TPCN1: variants seen among roughly 807,000 people sequenced by gnomAD.
TPCN1 encodes the protein two pore channel protein 1.
TPCN1 carries 52 observed loss-of-function variants against 108.8 expected under a neutral mutation model. The observed-to-expected ratio is 0.48, with a 90% confidence interval of 0.38 to 0.60. The LOEUF (loss-of-function observed/expected upper bound fraction) is 0.60. TPCN1 is among the 20% of genes least tolerant of loss of function. The probability of loss-of-function intolerance (pLI) is 0.00; values close to 1 mark genes in which losing one functional copy is unlikely to be tolerated. For missense variants in TPCN1, 806 were observed against 1,072.8 expected, an observed-to-expected ratio of 0.75 and a Z score of 3.47; for synonymous variants, 446 against 433.7, an observed-to-expected ratio of 1.03 and a Z score of -0.35.
At chr12:113,271,723 G>C (rs1447363376) in intron 7 of TPCN1, among the ~76,000 whole-genome samples, 1 of 152,236 alleles carries the variant, frequency 6.6e-6, no homozygotes, top group African/African-American at 2.4e-5. Context: ...GAACACTCCT[G>C]TGTGTTTCCC....
chr12:113,270,488 T>G (rs1172910121), intron 7 of TPCN1, among the ~76,000 whole-genome samples: 3 of 151,294 alleles, frequency 2.0e-5, no homozygotes, highest in African/African-American at 4.8e-5. Context: ...TTGTTTTGTT[T>G]TTTTTTTTTT....
intron 15 of TPCN1, among the ~76,000 whole-genome samples, chr12:113,280,642 T>A (rs1191840355): frequency 1.3e-5 from 2 of 152,256 alleles, no homozygotes; most frequent in African/African-American, 4.8e-5. Flanking sequence ...ACATTTAAGC[T>A]AATTAAAATG....
At chr12:113,235,659 C>T (rs1054242732) in intron 2 of TPCN1, among the ~76,000 whole-genome samples, 8 of 152,188 alleles carry the variant, frequency 5.3e-5, no homozygotes, top group Admixed American at 3.3e-4. Context: ...AGAAGAAGTG[C>T]GTCAAGTATA....
At chr12:113,224,436 G>A (rs773208906) in intron 1 of TPCN1, among the ~76,000 whole-genome samples, 19 of 152,138 alleles carry the variant, frequency 1.2e-4, no homozygotes, top group Admixed American at 9.8e-4. Flanking sequence ...TCGCTCTGTC[G>A]CCCAGGCTGG....
In TPCN1 at chr12:113,291,681, G is replaced by A. The variant is rs1956273464; in HGVS notation, c.2028+4G>A. 6.2e-7 allele frequency: 1 copy of A among 1,613,468 alleles called. No individual in the cohort carries two copies. On this transcript the variant is annotated splice_donor_region_variant and intron_variant, in intron 24 of 27. Transcript: ENST00000335509. The stretch of plus-strand genomic sequence containing the variant: ...GACCTTTTACATTGTGACCATGGTA[G>A]GTCCCGGACCACAGAACGCTCTTTG...
intron 14 of TPCN1, 95 bp downstream of exon 14, chr12:113,278,930 G>T: frequency 3.2e-6 from 2 of 620,772 alleles, no homozygotes; most frequent in Non-Finnish European, 5.2e-6. Context: ...GTTCAGAGGG[G>T]TGTGTGTGTG....
chr12:113,244,816 C>A, intron 2 of TPCN1: 1 of 951,164 alleles, frequency 1.1e-6, no homozygotes, highest in Non-Finnish European at 1.3e-6. Context: ...GATGAAGAAA[C>A]TGAGGCTCTG....
chr12:113,280,808 A>G (rs1359389443), intron 15 of TPCN1, among the ~76,000 whole-genome samples: 1 of 152,200 alleles, frequency 6.6e-6, no homozygotes, highest in African/African-American at 2.4e-5. Context: ...GGTCTTTCCA[A>G]GGAGCTCTGG....
rs916653736 is a variant in TPCN1, at chr12:113,232,883, C to T, written c.112+5919C>T. On this transcript the variant is annotated intron_variant, in intron 2 of 27. Transcript: ENST00000335509. The surrounding 1 kb of genome is among the most constrained non-coding windows in gnomAD (Gnocchi z 5.6). ...GCCTCACTCCTGGCACAGCAGGTGG[C>T]CCCTGCCAAGCTGGGACGCCTCCGT... is the stretch of plus-strand genomic sequence containing the variant. 6.6e-6 allele frequency among the ~76,000 whole-genome samples: 1 copy of T among 152,194 alleles called. No homozygotes were observed. Among genetic ancestry groups the T allele is most frequent in the East Asian group, 1.9e-4 (1 of 5,192 alleles).
At chr12:113,222,278 C>T (rs1248230215) in intron 1 of TPCN1, among the ~76,000 whole-genome samples, 1 of 152,196 alleles carries the variant, frequency 6.6e-6, no homozygotes, top group Non-Finnish European at 1.5e-5. Context: ...CAGGCAGGGT[C>T]CCTGATTCAG....
chr12:113,274,464 T>C (rs1465223584), intron 10 of TPCN1, among the ~76,000 whole-genome samples: 1 of 152,082 alleles, frequency 6.6e-6, no homozygotes, highest in East Asian at 1.9e-4. Context: ...AAAAAATTGT[T>C]ATACTATATT....
At chr12:113,271,505 T>A (rs1423396644) in intron 7 of TPCN1, among the ~76,000 whole-genome samples, 2 of 152,260 alleles carry the variant, frequency 1.3e-5, no homozygotes, top group Non-Finnish European at 2.9e-5. Context: ...ATGCTTTGCA[T>A]ACTTAAAAAA....
intron 2 of TPCN1, among the ~76,000 whole-genome samples, chr12:113,234,185 C>T (rs1193234681): frequency 6.6e-6 from 1 of 152,172 alleles, no homozygotes; most frequent in East Asian, 1.9e-4. Flanking sequence ...CACCAGACCA[C>T]AAAGGACAGC....
At position 113,273,184 on chromosome 12, in the gene TPCN1, G is replaced by A. The variant is rs1425233197; in HGVS notation, c.784-48G>A. The A allele has an allele frequency of 7.6e-6, 12 of 1,574,828 alleles. No individual in the cohort carries two copies. The highest frequency in any genetic ancestry group is 2.7e-5 in the African/African-American group (2 of 74,090). ...CCATCACAGCCTGTTCCTGATGGCCGTGTGCTCTTGGCTGGTCCCGACTTC... is the reference window on the plus strand; with the variant it reads ...CCATCACAGCCTGTTCCTGATGGCCATGTGCTCTTGGCTGGTCCCGACTTC... On this transcript the variant is annotated intron_variant, in intron 8 of 27. Transcript: ENST00000335509. The surrounding 1 kb of genome is among the most constrained non-coding windows in gnomAD (Gnocchi z 4.0).
At chr12:113,271,195 G>A (rs1274532731) in intron 7 of TPCN1, among the ~76,000 whole-genome samples, 1 of 152,028 alleles carries the variant, frequency 6.6e-6, no homozygotes, top group African/African-American at 2.4e-5. Flanking sequence ...AGGATCACCT[G>A]AGCATGGGGA....
chr12:113,295,221 T>G (rs1956386481), intron 27 of TPCN1, among the ~76,000 whole-genome samples: 1 of 152,094 alleles, frequency 6.6e-6, no homozygotes, highest in South Asian at 2.1e-4. Flanking sequence ...AGTTTCCCCC[T>G]CTGTAAAACA....
intron 2 of TPCN1, among the ~76,000 whole-genome samples, chr12:113,237,206 G>A (rs772557184): frequency 2.0e-5 from 3 of 152,164 alleles, no homozygotes; most frequent in Non-Finnish European, 4.4e-5. Flanking sequence ...TTTTCCCTCT[G>A]GAGATTGAGA....
At chr12:113,235,372 A>G (rs953957712) in intron 2 of TPCN1, among the ~76,000 whole-genome samples, 4 of 151,656 alleles carry the variant, frequency 2.6e-5, no homozygotes, top group Admixed American at 6.6e-5. Context: ...CATCCTATGC[A>G]ACTTTAGACC....
chr12:113,295,853 AG>A lies in TPCN1; in HGVS notation c.2335-106del, dbSNP rs2136792227. The A allele has an allele frequency of 4.7e-6, 6 of 1,269,104 alleles. 1 individual carries two copies. The East Asian group carries it at 1.6e-4, about 33-fold the overall frequency. The allele number at this position is 1,269,104 out of a possible 1,614,324, so 78.6% of individuals were successfully genotyped here. ...TCAGTACCAGCTGGGTGAGGCTGGC[AG>A]CCCTGCCCCTTCCAGCCTGGATGCT... is the stretch of plus-strand genomic sequence containing the variant. On this transcript the variant is annotated intron_variant, in intron 27 of 27. Transcript: ENST00000335509.
Sources: allele counts gnomAD v4.1 joint callset (sites outside exome capture counted in the v4.1 genomes callset), GRCh38; gene constraint gnomAD v4.1.1; non-coding constraint Gnocchi (gnomAD v3.1); transcripts MANE v1.5; gene names NCBI Gene and HGNC (gene_info 2026-07-23, HGNC 2026-07-21).